SDK1: variants seen among roughly 807,000 people sequenced by gnomAD.
SDK1 encodes the protein sidekick cell adhesion molecule 1.
SDK1 carries 157 observed loss-of-function variants against 245.5 expected under a neutral mutation model. The ratio of observed to expected loss-of-function variants is 0.64; its 90% confidence interval spans 0.56 to 0.73. The LOEUF (loss-of-function observed/expected upper bound fraction) is 0.73. Ranked by LOEUF, SDK1 falls within the 30% of genes least tolerant of loss-of-function variation. SDK1 has a pLI of 0.00. For synonymous variants in SDK1, 1,647 were observed against 1,278.5 expected (o/e 1.29, Z -6.15); for missense variants, 3,583 against 3,002.3 (o/e 1.19, Z -4.52).
chr7:3,509,762 G>C (rs1172530461), intron 1 of SDK1, among the ~76,000 whole-genome samples: 1 of 152,158 alleles, frequency 6.6e-6, no homozygotes, highest in African/African-American at 2.4e-5. Flanking sequence ...CCCTGCAGAG[G>C]ATTTCTGTAA....
intron 5 of SDK1, among the ~76,000 whole-genome samples, chr7:3,910,606 C>T (rs1377614487): frequency 6.6e-6 from 1 of 152,102 alleles, no homozygotes; most frequent in Non-Finnish European, 1.5e-5. Context: ...CTTCCTGAGA[C>T]CCCAGTCTTG....
At chr7:3,608,276 C>G (rs1383870047) in intron 1 of SDK1, among the ~76,000 whole-genome samples, 1 of 152,164 alleles carries the variant, frequency 6.6e-6, no homozygotes, top group Admixed American at 6.5e-5. Flanking sequence ...CTGCTGTACG[C>G]CAAAATGTGC....
chr7:3,577,743 T>C (rs1780339758), intron 1 of SDK1, among the ~76,000 whole-genome samples: 1 of 152,106 alleles, frequency 6.6e-6, no homozygotes. Context: ...TCTGTGTTAG[T>C]AACGAGTGCA....
rs544540343 is a variant in SDK1, at chr7:3,782,178, G to A, written c.714-39272G>A. On this transcript the variant is annotated intron_variant, in intron 4 of 44. Coordinates refer to ENST00000404826, the MANE Select transcript of SDK1 (RefSeq NM_152744.4). ...AAGCATGGTGCCAGCATGTGCTTCT[G>A]GTGAGGGCCTCAGGAAGCTTACAAT... Among the ~76,000 whole-genome samples, 4 of 152,286 alleles carry A rather than the reference G, an allele frequency of 2.6e-5. 1 individual carries two copies. Among genetic ancestry groups the A allele is most frequent in the African/African-American group, 9.6e-5 (4 of 41,552 alleles).
chr7:4,160,902 C>T (rs534774909), intron 31 of SDK1, among the ~76,000 whole-genome samples: 3 of 152,144 alleles, frequency 2.0e-5, no homozygotes, highest in Non-Finnish European at 2.9e-5. Flanking sequence ...ATCACAGAGC[C>T]GGTGACCCCG....
chr7:3,836,002 T>A (rs1186158701), intron 5 of SDK1, among the ~76,000 whole-genome samples: 1 of 152,232 alleles, frequency 6.6e-6, no homozygotes, highest in Admixed American at 6.5e-5. Flanking sequence ...CTTATTTATA[T>A]GAGTATTGGT....
chr7:3,825,356 A>G (rs1779746229), intron 5 of SDK1, among the ~76,000 whole-genome samples: 1 of 151,022 alleles, frequency 6.6e-6, no homozygotes, highest in Admixed American at 6.6e-5. Flanking sequence ...AGGCGATGAG[A>G]CGAATTCTAT....
At chr7:3,779,794 C>T (rs991661750) in intron 4 of SDK1, among the ~76,000 whole-genome samples, 24 of 151,898 alleles carry the variant, frequency 1.6e-4, no homozygotes, top group Non-Finnish European at 2.4e-4. Flanking sequence ...TAGCCGGGCG[C>T]GGTGGCGGGC....
chr7:4,166,704 G>C (rs1584347590), intron 32 of SDK1, among the ~76,000 whole-genome samples: 1 of 152,212 alleles, frequency 6.6e-6, no homozygotes, highest in Admixed American at 6.5e-5. Flanking sequence ...CGGCCCGGGG[G>C]ACCACGGTGG....
At chr7:3,510,711 T>C (rs4273759) in intron 1 of SDK1, among the ~76,000 whole-genome samples, 58,392 of 151,838 alleles carry the variant, frequency 0.38, 12,024 homozygotes, top group African/African-American at 0.54. Flanking sequence ...GAGATAGCAG[T>C]TCTCAGAGAG....
chr7:3,736,759 C>T (rs990448774), intron 4 of SDK1, among the ~76,000 whole-genome samples: 1 of 152,168 alleles, frequency 6.6e-6, no homozygotes, highest in Non-Finnish European at 1.5e-5. Flanking sequence ...GCACATTCAT[C>T]ACCTCACATA....
At chr7:3,753,021 C>T (rs778221189) in intron 4 of SDK1, among the ~76,000 whole-genome samples, 3 of 152,202 alleles carry the variant, frequency 2.0e-5, no homozygotes, top group African/African-American at 4.8e-5. Context: ...CACGTTGATA[C>T]TACTCGGTGT....
At chr7:3,499,372 T>A (rs577465081) in intron 1 of SDK1, among the ~76,000 whole-genome samples, 3 of 152,322 alleles carry the variant, frequency 2.0e-5, no homozygotes, top group East Asian at 3.9e-4. Context: ...GTGTTTTTTT[T>A]AATTGTCAGA....
intron 2 of SDK1, among the ~76,000 whole-genome samples, chr7:3,625,110 A>G (rs1782073028): frequency 2.0e-5 from 3 of 152,160 alleles, no homozygotes; most frequent in Admixed American, 1.3e-4. Flanking sequence ...ACTTTTTGCA[A>G]ACATTCAAAA....
chr7:4,169,370 C>T (rs1220098904), intron 32 of SDK1, among the ~76,000 whole-genome samples: 1 of 152,198 alleles, frequency 6.6e-6, no homozygotes, highest in Non-Finnish European at 1.5e-5. Flanking sequence ...CCTAGACCCA[C>T]CCAGACCTGC....
At chr7:3,510,676 G>C (rs1286418941) in intron 1 of SDK1, among the ~76,000 whole-genome samples, 1 of 152,106 alleles carries the variant, frequency 6.6e-6, no homozygotes, top group Non-Finnish European at 1.5e-5. Context: ...AGCAAAGGTG[G>C]TCTTATTATA....
chr7:3,323,471 C>A (rs1583683331), intron 1 of SDK1, among the ~76,000 whole-genome samples: 1 of 152,178 alleles, frequency 6.6e-6, no homozygotes, highest in African/African-American at 2.4e-5. Context: ...AGGAAAAATA[C>A]ACTTCCAAAC....
intron 8 of SDK1, among the ~76,000 whole-genome samples, chr7:3,960,779 G>A (rs1056097634): frequency 7.9e-5 from 12 of 152,188 alleles, no homozygotes; most frequent in African/African-American, 2.9e-4. Context: ...AGAGTAAGAC[G>A]AATTTTACGT....
intron 5 of SDK1, among the ~76,000 whole-genome samples, chr7:3,890,517 TGGAC>T (rs903003110): frequency 1.2e-4 from 19 of 152,182 alleles, no homozygotes; most frequent in African/African-American, 4.3e-4. Context: ...ATGTGTAACA[TGGAC>T]TATGCACACG....
Sources: gnomAD v4.1 joint callset for allele counts (sites outside exome capture counted in the v4.1 genomes callset) on GRCh38, gnomAD v4.1.1 for gene constraint, MANE v1.5 for transcripts, NCBI Gene and HGNC (gene_info 2026-07-23, HGNC 2026-07-21) for gene names.